IL1RAPL2: variants seen among roughly 807,000 people sequenced by gnomAD.
IL1RAPL2 encodes interleukin 1 receptor accessory protein like 2, also known as X-linked interleukin-1 receptor accessory protein-like 2.
In IL1RAPL2, 3 loss-of-function variants were observed where a neutral mutation model predicts 44.1. That is an observed-to-expected ratio of 0.07 (90% CI 0.03 to 0.18). The LOEUF (loss-of-function observed/expected upper bound fraction) is 0.18. Ranked by LOEUF, IL1RAPL2 falls within the 10% of genes least tolerant of loss-of-function variation. The probability of loss-of-function intolerance (pLI) is 1.00; values close to 1 mark genes in which losing one functional copy is unlikely to be tolerated. For synonymous variants in IL1RAPL2, 181 were observed against 178.8 expected, an observed-to-expected ratio of 1.01 and a Z score of -0.10; for missense variants, 391 against 496.4, an observed-to-expected ratio of 0.79 and a Z score of 2.02.
At chrX:105,717,808 A>G (rs1267457114) in intron 7 of IL1RAPL2, among the ~76,000 whole-genome samples, 2 of 112,211 alleles carry the variant, frequency 1.8e-5, no homozygotes, top group East Asian at 5.7e-4. Context: ...GACTCCTCAG[A>G]CCACTGGGCA....
At chrX:104,895,688 C>A (rs1390380724) in intron 2 of IL1RAPL2, among the ~76,000 whole-genome samples, 2 of 112,021 alleles carry the variant, frequency 1.8e-5, no homozygotes, top group South Asian at 7.4e-4. Flanking sequence ...TCTGTCACCG[C>A]TTCCCTTGGC....
chrX:105,405,970 A>C, intron 5 of IL1RAPL2: 1 of 1,199,284 alleles, frequency 8.3e-7, no homozygotes, highest in Non-Finnish European at 1.1e-6. Context: ...ATTGATCCTC[A>C]GACAGATTCT....
chrX:105,431,784 G>T (rs188423026), intron 5 of IL1RAPL2, among the ~76,000 whole-genome samples: 1 of 111,365 alleles, frequency 9.0e-6, no homozygotes, highest in African/African-American at 3.3e-5. Flanking sequence ...TTATCAAGAA[G>T]ATATGGGAAA....
At chrX:105,492,765 TTTA>T (rs911160433) in intron 6 of IL1RAPL2, among the ~76,000 whole-genome samples, 75 of 110,597 alleles carry the variant, frequency 6.8e-4, no homozygotes, top group African/African-American at 2.4e-3. Context: ...TTTTAACAGT[TTTA>T]TTATTATATT....
intron 5 of IL1RAPL2, among the ~76,000 whole-genome samples, chrX:105,351,223 C>G (rs761233028): frequency 5.0e-4 from 56 of 111,636 alleles, no homozygotes; most frequent in African/African-American, 1.8e-3. Context: ...GGCAATTCCT[C>G]AAGGACCTAG....
chrX:104,931,092 C>A (rs184715207), intron 2 of IL1RAPL2, among the ~76,000 whole-genome samples: 3 of 110,530 alleles, frequency 2.7e-5, no homozygotes, highest in Admixed American at 1.9e-4. Flanking sequence ...TGGGCTGTAT[C>A]ATCAATATCC....
chrX:105,036,165 T>C (rs886307586), intron 2 of IL1RAPL2, among the ~76,000 whole-genome samples: 1 of 111,429 alleles, frequency 9.0e-6, no homozygotes, highest in Non-Finnish European at 1.9e-5. Context: ...CCTTCTTAAT[T>C]CTAAATTTCT....
Position 104,856,881 on chromosome X carries a change from T to C in IL1RAPL2, c.82+197886T>C, listed in dbSNP as rs766752686. The stretch of plus-strand genomic sequence containing the variant: ...TATGCATAAAGACATAATCTGTGAT[T>C]TAATTTATTCTAATCAGAAAGTGAG... On this transcript the variant is annotated intron_variant, in intron 2 of 10. Transcript: ENST00000372582. Among the ~76,000 whole-genome samples the C allele has an allele frequency of 3.5e-5, 4 of 112,680 alleles. No homozygotes were observed. The East Asian group carries it at 1.1e-3, about 31-fold the overall frequency.
chrX:104,928,853 C>T (rs967190690), intron 2 of IL1RAPL2, among the ~76,000 whole-genome samples: 2 of 110,639 alleles, frequency 1.8e-5, no homozygotes, highest in Non-Finnish European at 3.8e-5. Flanking sequence ...GTGAGGGCAG[C>T]GTGTTGGCAA....
intron 6 of IL1RAPL2, among the ~76,000 whole-genome samples, chrX:105,617,614 G>A (rs1202875420): frequency 3.6e-5 from 4 of 111,784 alleles, no homozygotes; most frequent in Non-Finnish European, 7.5e-5. Context: ...TTGCTTATGA[G>A]TTGTTACCTA....
chrX:104,722,796 G>A (rs932059945), intron 2 of IL1RAPL2, among the ~76,000 whole-genome samples: 29 of 111,597 alleles, frequency 2.6e-4, no homozygotes, highest in African/African-American at 9.4e-4. Flanking sequence ...ATCCTAAGTG[G>A]ACATACACAG....
At chrX:105,319,310 A>C (rs1400549008) in intron 5 of IL1RAPL2, among the ~76,000 whole-genome samples, 2 of 111,986 alleles carry the variant, frequency 1.8e-5, no homozygotes, top group Non-Finnish European at 1.9e-5. Context: ...GTCGAATTGC[A>C]TGAAGTGATC....
intron 6 of IL1RAPL2, among the ~76,000 whole-genome samples, chrX:105,502,991 C>T (rs1265491225): frequency 9.1e-6 from 1 of 109,635 alleles, no homozygotes; most frequent in Non-Finnish European, 1.9e-5. Flanking sequence ...TTGATTTCCT[C>T]TTTAGTAGCT....
At chrX:105,192,359 C>T (rs190260522) in intron 2 of IL1RAPL2, among the ~76,000 whole-genome samples, 1 of 111,682 alleles carries the variant, frequency 9.0e-6, no homozygotes, top group Admixed American at 9.5e-5. Flanking sequence ...TCCCTCTTAA[C>T]GTCAGTGTTC....
intron 6 of IL1RAPL2, among the ~76,000 whole-genome samples, chrX:105,689,566 C>T (rs191724752): frequency 2.5e-4 from 28 of 111,917 alleles, no homozygotes; most frequent in African/African-American, 8.8e-4. Context: ...AGACAGGAAA[C>T]AACAGATACT....
intron 2 of IL1RAPL2, among the ~76,000 whole-genome samples, chrX:105,012,674 C>CACAG (rs1258556672): frequency 9.0e-4 from 73 of 81,243 alleles, no homozygotes; most frequent in African/African-American, 4.0e-3. Flanking sequence ...CACACACACA[C>CACAG]AGAGAGAGAG....
At chrX:105,015,132 C>T (rs1352594172) in intron 2 of IL1RAPL2, among the ~76,000 whole-genome samples, 1 of 109,699 alleles carries the variant, frequency 9.1e-6, no homozygotes, top group African/African-American at 3.4e-5. Context: ...AGTGTCTGTT[C>T]ATATCTTTTG....
chrX:104,978,956 C>G (rs186572479), intron 2 of IL1RAPL2, among the ~76,000 whole-genome samples: 69 of 111,299 alleles, frequency 6.2e-4, no homozygotes, highest in Non-Finnish European at 6.2e-4. Context: ...AAGTGTAATA[C>G]AATCCCAATA....
intron 2 of IL1RAPL2, among the ~76,000 whole-genome samples, chrX:105,188,264 C>G (rs1300346018): frequency 9.0e-6 from 1 of 110,868 alleles, no homozygotes; most frequent in Non-Finnish European, 1.9e-5. Context: ...GGGAGAGAAG[C>G]TCACTGCTGA....
Sources: allele counts gnomAD v4.1 joint callset (sites outside exome capture counted in the v4.1 genomes callset), GRCh38; gene constraint gnomAD v4.1.1; transcripts MANE v1.5; gene names NCBI Gene and HGNC (gene_info 2026-07-23, HGNC 2026-07-21).